Variants in AUTS2 observed in about 807,000 individuals in gnomAD.
AUTS2 encodes the protein activator of transcription and developmental regulator AUTS2, also known as autism susceptibility gene 2 protein.
Under a neutral mutation model 112.4 loss-of-function variants are expected in AUTS2, and 17 were observed. The observed-to-expected ratio is 0.15, with a 90% CI of 0.10 to 0.23. The LOEUF is 0.23. Ranked by LOEUF, AUTS2 falls within the 10% of genes least tolerant of loss-of-function variation. The pLI, the probability that AUTS2 is intolerant of heterozygous loss-of-function variation, is 1.00. For synonymous variants in AUTS2, 751 were observed against 702.7 expected (o/e 1.07, Z -1.09); for missense variants, 1,510 against 1,701.6 (o/e 0.89, Z 1.98).
chr7:70,058,843 A>G (rs563398218), intron 2 of AUTS2, among the ~76,000 whole-genome samples: 2 of 152,312 alleles, frequency 1.3e-5, no homozygotes, highest in South Asian at 4.2e-4. Flanking sequence ...ATATTTACAC[A>G]CACACATACA....
intron 1 of AUTS2, among the ~76,000 whole-genome samples, chr7:69,712,070 T>C (rs1164006602): frequency 1.3e-5 from 2 of 152,194 alleles, no homozygotes; most frequent in Non-Finnish European, 2.9e-5. Context: ...ACTCCTTCTT[T>C]GTGCTCCCAT....
At chr7:69,636,235 T>A (rs1794510595) in intron 1 of AUTS2, among the ~76,000 whole-genome samples, 1 of 152,234 alleles carries the variant, frequency 6.6e-6, no homozygotes, top group Non-Finnish European at 1.5e-5. Context: ...GATCATACAT[T>A]ATCTTTTCTT....
chr7:70,072,048 T>A (rs994323503), intron 2 of AUTS2, among the ~76,000 whole-genome samples: 3 of 152,200 alleles, frequency 2.0e-5, no homozygotes, highest in Non-Finnish European at 4.4e-5. Flanking sequence ...CTTTAACTCT[T>A]ATAGAATTGG....
intron 4 of AUTS2, among the ~76,000 whole-genome samples, chr7:70,238,736 C>T (rs1454124732): frequency 7.9e-5 from 12 of 151,912 alleles, no homozygotes; most frequent in African/African-American, 2.7e-4. Flanking sequence ...CATTTTCCTC[C>T]TCTTCTTAGC....
chr7:70,389,705 C>T (rs1277973975), intron 4 of AUTS2, among the ~76,000 whole-genome samples: 1 of 152,110 alleles, frequency 6.6e-6, no homozygotes, highest in Non-Finnish European at 1.5e-5. Context: ...CTCCCTGTTC[C>T]ACTTTGCTAA....
At chr7:70,778,173 T>A (rs1029885513) in intron 14 of AUTS2, among the ~76,000 whole-genome samples, 10 of 152,152 alleles carry the variant, frequency 6.6e-5, no homozygotes, top group Non-Finnish European at 1.0e-4. Flanking sequence ...CTTCTGCAAG[T>A]CCCTGGATAC....
At chr7:70,438,465 C>T (rs1245924521) in intron 5 of AUTS2, among the ~76,000 whole-genome samples, 2 of 152,158 alleles carry the variant, frequency 1.3e-5, no homozygotes, top group East Asian at 3.9e-4. Flanking sequence ...GTGGGAGCCA[C>T]ACCATAACCA....
chr7:70,599,875 T>A (rs1269858945), intron 5 of AUTS2, among the ~76,000 whole-genome samples: 1 of 152,312 alleles, frequency 6.6e-6, no homozygotes, highest in African/African-American at 2.4e-5. Flanking sequence ...AGCAAGTCTG[T>A]CATTAGACAG....
intron 4 of AUTS2, among the ~76,000 whole-genome samples, chr7:70,390,845 G>A (rs537535764): frequency 3.3e-5 from 5 of 152,246 alleles, no homozygotes; most frequent in African/African-American, 1.2e-4. Flanking sequence ...ACTTTCCTGT[G>A]ATTCAGAATT....
At chr7:69,612,544 C>T (rs919733385) in intron 1 of AUTS2, among the ~76,000 whole-genome samples, 1 of 152,032 alleles carries the variant, frequency 6.6e-6, no homozygotes, top group Non-Finnish European at 1.5e-5. Flanking sequence ...ACTGCAGCCT[C>T]GACCTCCTGG....
At chr7:69,703,364 A>G (rs1241494567) in intron 1 of AUTS2, among the ~76,000 whole-genome samples, 1 of 152,220 alleles carries the variant, frequency 6.6e-6, no homozygotes, top group East Asian at 1.9e-4. Flanking sequence ...GACTCATGGA[A>G]GGATATCCTC....
chr7:69,768,715 A>G (rs894977729), intron 1 of AUTS2, among the ~76,000 whole-genome samples: 1 of 152,206 alleles, frequency 6.6e-6, no homozygotes, highest in Non-Finnish European at 1.5e-5. Flanking sequence ...CAAGGGTTCA[A>G]AAGACCTAGT....
At chr7:70,488,914 A>G (rs1371098669) in intron 5 of AUTS2, among the ~76,000 whole-genome samples, 3 of 152,162 alleles carry the variant, frequency 2.0e-5, no homozygotes, top group African/African-American at 7.2e-5. Context: ...CACTTTTCCC[A>G]TCACATTCCC....
At chr7:70,485,989 A>AT (rs1001621759) in intron 5 of AUTS2, among the ~76,000 whole-genome samples, 2 of 145,668 alleles carry the variant, frequency 1.4e-5, no homozygotes, top group African/African-American at 5.1e-5. Flanking sequence ...CCTTAATTAA[A>AT]AAATAAATAA....
At chr7:70,030,401 A>G (rs974417887) in intron 2 of AUTS2, among the ~76,000 whole-genome samples, 1 of 152,154 alleles carries the variant, frequency 6.6e-6, no homozygotes, top group Non-Finnish European at 1.5e-5. Flanking sequence ...TTCTTATCAC[A>G]TGAATAGACC....
intron 5 of AUTS2, among the ~76,000 whole-genome samples, chr7:70,599,216 TG>T (rs1169494367): frequency 1.3e-5 from 2 of 152,222 alleles, no homozygotes; most frequent in African/African-American, 2.4e-5. Context: ...AAACTCAGGT[TG>T]ATCTTGGCCC....
At chr7:69,946,410 A>G (rs994408095) in intron 2 of AUTS2, among the ~76,000 whole-genome samples, 3 of 152,190 alleles carry the variant, frequency 2.0e-5, no homozygotes, top group Admixed American at 2.0e-4. Context: ...TCTGCTTCTC[A>G]GTATATATCT....
chr7:69,942,812 T>C (rs905908803), intron 2 of AUTS2, among the ~76,000 whole-genome samples: 1 of 152,256 alleles, frequency 6.6e-6, no homozygotes, highest in Non-Finnish European at 1.5e-5. Context: ...TCTAAAGCTA[T>C]CAGTCAGCTG....
rs75640604 is a variant in AUTS2, at chr7:70,131,677, G to A, written c.625-2859G>A. Among the ~76,000 whole-genome samples the A allele has an allele frequency of 5.6e-3, 847 of 151,930 alleles. 15 individuals carry two copies. The highest frequency in any genetic ancestry group is 0.019 in the African/African-American group (794 of 41,428). ...ATAATTTCTGTCTTGGAAAATTATTGAAGCTACCAAATATTTGCAGCTGTA... is the reference window on the plus strand; with the variant it reads ...ATAATTTCTGTCTTGGAAAATTATTAAAGCTACCAAATATTTGCAGCTGTA... On this transcript the variant is annotated intron_variant, in intron 3 of 18. Coordinates refer to ENST00000342771, the MANE Select transcript of AUTS2 (RefSeq NM_015570.4).
Sources: allele counts gnomAD v4.1 joint callset (sites outside exome capture counted in the v4.1 genomes callset), GRCh38; gene constraint gnomAD v4.1.1; transcripts MANE v1.5; gene names NCBI Gene and HGNC (gene_info 2026-07-23, HGNC 2026-07-21).